The following FER variants were observed in gnomAD, a reference collection of about 807,000 sequenced individuals.
FER encodes FER tyrosine kinase.
In FER, 63 loss-of-function variants were observed where a neutral mutation model predicts 111.0. The ratio of observed to expected loss-of-function variants is 0.57; its 90% CI spans 0.46 to 0.70. FER has a LOEUF of 0.70. FER is among the 30% of genes least tolerant of loss of function. The pLI, the probability that FER is intolerant of heterozygous loss-of-function variation, is 0.00. For missense variants in FER, 914 were observed against 954.0 expected, an observed-to-expected ratio of 0.96 and a Z score of 0.55; for synonymous variants, 327 against 313.9, an observed-to-expected ratio of 1.04 and a Z score of -0.44.
intron 5 of FER, among the ~76,000 whole-genome samples, chr5:108,867,388 T>C (rs1764170554): frequency 6.6e-6 from 1 of 152,128 alleles, no homozygotes; most frequent in Non-Finnish European, 1.5e-5. Context: ...ATCTCAAACA[T>C]AGACCTCAAA....
At chr5:108,935,075 G>C (rs540018092) in intron 10 of FER, among the ~76,000 whole-genome samples, 5 of 152,040 alleles carry the variant, frequency 3.3e-5, no homozygotes, top group Non-Finnish European at 7.4e-5. Context: ...GGTAGCTGCT[G>C]CTTATAAGGT....
intron 16 of FER, among the ~76,000 whole-genome samples, chr5:109,063,164 GTTTTC>G (rs774698357): frequency 3.1e-4 from 47 of 152,002 alleles, no homozygotes; most frequent in Non-Finnish European, 5.9e-4. Flanking sequence ...GTCAAAATTC[GTTTTC>G]TTTTAATTTT....
At chr5:108,957,133 A>G (rs1163102459) in intron 12 of FER, among the ~76,000 whole-genome samples, 1 of 151,610 alleles carries the variant, frequency 6.6e-6, no homozygotes, top group African/African-American at 2.4e-5. Context: ...AAGGGGGTTA[A>G]TATCTTAAAG....
chr5:108,963,292 G>A (rs1581415725), intron 13 of FER, among the ~76,000 whole-genome samples: 1 of 152,220 alleles, frequency 6.6e-6, no homozygotes, highest in Non-Finnish European at 1.5e-5. Flanking sequence ...GCCAAGTGCA[G>A]TGGCTCGTGC....
At chr5:108,832,747 T>A in intron 3 of FER, 23 bp from the exon 4 acceptor site, 1 of 1,451,306 alleles carries the variant, frequency 6.9e-7, no homozygotes, top group Non-Finnish European at 9.1e-7. Context: ...CAAATGTTTG[T>A]TTCTTTTTTT....
At chr5:108,970,950 G>A (rs1157058437) in intron 13 of FER, among the ~76,000 whole-genome samples, 1 of 152,150 alleles carries the variant, frequency 6.6e-6, no homozygotes, top group African/African-American at 2.4e-5. Flanking sequence ...AAGGATGGAT[G>A]TGATATAAGC....
At chr5:108,829,182 C>T (rs1759784555) in intron 3 of FER, among the ~76,000 whole-genome samples, 1 of 152,174 alleles carries the variant, frequency 6.6e-6, no homozygotes, top group Admixed American at 6.5e-5. Context: ...ATTATATCAT[C>T]CAAAGATCTT....
chr5:108,839,166 G>A (rs1760977498), intron 5 of FER, among the ~76,000 whole-genome samples: 1 of 152,050 alleles, frequency 6.6e-6, no homozygotes, highest in South Asian at 2.1e-4. Flanking sequence ...CTTATAGACG[G>A]GAAATCACCT....
chr5:108,849,445 G>A (rs1762331734), intron 5 of FER, among the ~76,000 whole-genome samples: 1 of 141,452 alleles, frequency 7.1e-6, no homozygotes, highest in Admixed American at 7.0e-5. Flanking sequence ...AATCCCATCT[G>A]GTGGTGGTTT....
intron 10 of FER, among the ~76,000 whole-genome samples, chr5:108,919,710 G>A (rs1427951551): frequency 6.6e-6 from 1 of 152,068 alleles, no homozygotes; most frequent in Admixed American, 6.6e-5. Context: ...TATCAGAATC[G>A]GTGTGGCAGA....
At chr5:108,925,438 T>C (rs912454331) in intron 10 of FER, among the ~76,000 whole-genome samples, 2 of 152,096 alleles carry the variant, frequency 1.3e-5, no homozygotes, top group Admixed American at 6.5e-5. Context: ...CCTTACTCTT[T>C]TAATGTATAA....
At chr5:108,880,129 G>C (rs1229513479) in intron 8 of FER, among the ~76,000 whole-genome samples, 1 of 152,084 alleles carries the variant, frequency 6.6e-6, no homozygotes, top group East Asian at 1.9e-4. Context: ...CTGTCTAGCA[G>C]ACTGTCTGAC....
At chr5:108,772,799 A>G (rs3805599) in intron 2 of FER, among the ~76,000 whole-genome samples, 38,699 of 152,030 alleles carry the variant, frequency 0.25, 5,405 homozygotes, top group African/African-American at 0.37. Flanking sequence ...CATTGCCTAT[A>G]CTCACCTTCT....
intron 11 of FER, 86 bp from the exon 12 acceptor site, chr5:108,954,643 G>A: frequency 1.0e-6 from 1 of 1,002,920 alleles, no homozygotes; most frequent in Non-Finnish European, 1.4e-6. Flanking sequence ...ACATTTGTAA[G>A]AAGCCTTTAT....
chr5:108,946,333 C>A (rs1756984804), intron 11 of FER, 111 bp downstream of exon 11: 2 of 636,546 alleles, frequency 3.1e-6, no homozygotes, highest in Non-Finnish European at 5.1e-6. Flanking sequence ...TATGTATATA[C>A]ATATATAAAT....
chr5:109,039,269 A>G (rs1770822708), intron 14 of FER, among the ~76,000 whole-genome samples: 2 of 151,936 alleles, frequency 1.3e-5, no homozygotes, highest in East Asian at 1.9e-4. Flanking sequence ...GATATACAGT[A>G]TCAGATGCAG....
intron 10 of FER, among the ~76,000 whole-genome samples, chr5:108,923,792 A>T (rs1178138932): frequency 2.0e-5 from 3 of 152,100 alleles, no homozygotes; most frequent in Non-Finnish European, 4.4e-5. Flanking sequence ...TTCTGTTGAG[A>T]CCTTAGAGAT....
chr5:108,949,137 T>C (rs1440015414), intron 11 of FER, among the ~76,000 whole-genome samples: 1 of 152,120 alleles, frequency 6.6e-6, no homozygotes, highest in Non-Finnish European at 1.5e-5. Context: ...TCAGTTATGT[T>C]AAGTTGTACA....
intron 8 of FER, among the ~76,000 whole-genome samples, chr5:108,878,973 C>T (rs757892697): frequency 1.4e-4 from 22 of 152,086 alleles, no homozygotes; most frequent in South Asian, 4.2e-4. Flanking sequence ...GGCTCTGTGA[C>T]GGTGGACAAG....
Sources: gnomAD v4.1 joint callset for allele counts (sites outside exome capture counted in the v4.1 genomes callset) on GRCh38, gnomAD v4.1.1 for gene constraint, MANE v1.5 for transcripts, NCBI Gene and HGNC (gene_info 2026-07-23, HGNC 2026-07-21) for gene names.